The following RNASET2 variants were observed in gnomAD, a reference collection of about 807,000 sequenced individuals.
RNASET2 encodes the protein ribonuclease T2, also known as ribonuclease 6.
In RNASET2, 28 loss-of-function variants were observed where a neutral mutation model predicts 33.9. The observed-to-expected ratio is 0.83, with a 90% confidence interval of 0.61 to 1.13. RNASET2 has a LOEUF of 1.13. Among genes scored for constraint, RNASET2 ranks in the 50% most tolerant of loss-of-function variants. The probability of loss-of-function intolerance (pLI) is 0.00; values close to 1 mark genes in which losing one functional copy is unlikely to be tolerated. For missense variants in RNASET2, 330 were observed against 319.9 expected (o/e 1.03, Z -0.24); for synonymous variants, 123 against 121.0 (o/e 1.02, Z -0.11).
intron 6 of RNASET2, among the ~76,000 whole-genome samples, chr6:166,937,991 C>T (rs1348615167): frequency 6.6e-6 from 1 of 152,200 alleles, no homozygotes; most frequent in East Asian, 1.9e-4. Flanking sequence ...GGAGGCAAAG[C>T]ACATGTCTAG....
intron 3 of RNASET2, 165 bp from the exon 4 acceptor site, chr6:166,946,904 AG>A (rs1326588485): frequency 2.9e-6 from 2 of 679,284 alleles, no homozygotes; most frequent in Admixed American, 4.4e-5. Flanking sequence ...AAGAAGATGC[AG>A]GTAAGAGGAG....
intron 7 of RNASET2, chr6:166,932,645 G>C (rs62436419): frequency 0.23 from 34,807 of 152,208 alleles, 4,422 homozygotes; most frequent in Middle Eastern, 0.34. Context: ...AATTTCTCCT[G>C]ATGATAAATC....
intron 2 of RNASET2, among the ~76,000 whole-genome samples, chr6:166,950,682 C>A (rs1002205393): frequency 2.6e-5 from 4 of 152,214 alleles, no homozygotes; most frequent in African/African-American, 9.6e-5. Flanking sequence ...GCTCTGGGTG[C>A]TCCAATGAGA....
At chr6:166,943,160 T>C in intron 4 of RNASET2, 71 bp from the exon 5 acceptor site, 3 of 1,085,456 alleles carry the variant, frequency 2.8e-6, no homozygotes, top group South Asian at 2.7e-5. Context: ...AAGGTAAATT[T>C]GATAAACTGA....
intron 7 of RNASET2, chr6:166,931,596 C>T (rs932397775): frequency 4.8e-5 from 9 of 186,656 alleles, no homozygotes; most frequent in African/African-American, 1.7e-4. Flanking sequence ...CCTCAGCTAC[C>T]GGTCCCGAAA....
rs35517174 is a variant in RNASET2 at position 166,929,711 on chromosome 6, C to G, written c.648G>C (p.Pro216=). 4.1e-4 allele frequency: 657 copies of G among 1,614,064 alleles called. 1 individual carries two copies. The highest frequency in any genetic ancestry group is 5.2e-4 in the Non-Finnish European group (613 of 1,180,034). ...QDQQLQNCTE[P]GEQPSPKQEV... ...CCTGCTTGGGGGACGGCTGCTCCCC[C>G]GGCTCGGTGCAGTTTTGCAGCTGCT... The change falls in exon 9 of 9, where the codon CCG becomes CCC. Residue 216 remains proline, a synonymous_variant. Transcript: ENST00000508775.
chr6:166,930,839 G>C (rs926332493), intron 8 of RNASET2, among the ~76,000 whole-genome samples: 2 of 143,582 alleles, frequency 1.4e-5, no homozygotes, highest in African/African-American at 5.2e-5. Flanking sequence ...ATGCCCACAT[G>C]CATGTACACA....
Position 166,924,299 on chromosome 6 carries a change from C to T in RNASET2, c.*5289G>A, listed in dbSNP as rs1778272939. On this transcript the variant is annotated 3_prime_UTR_variant, in exon 9 of 9. Transcript: ENST00000508775. Reference sequence around the variant, plus strand: ...TATTTTTAGTAGAGATGGAGTTTCACCATACTGTCCAGGCTGGTCTCGAAC... The same window carrying T: ...TATTTTTAGTAGAGATGGAGTTTCATCATACTGTCCAGGCTGGTCTCGAAC... Among the ~76,000 whole-genome samples the T allele has an allele frequency of 6.6e-6, 1 of 152,032 alleles. No homozygotes were observed. Among genetic ancestry groups the T allele is most frequent in the Non-Finnish European group, 1.5e-5 (1 of 67,984 alleles).
chr6:166,923,706 C>G lies in RNASET2; in HGVS notation c.*5882G>C, dbSNP rs1290444145. On this transcript the variant is annotated 3_prime_UTR_variant, in exon 9 of 9. Transcript: ENST00000508775. ...AGATTTTGCTTCAGATAAGAAAACC[C>G]TCACTACTGCCCCTTCTATGGGAAA... is the stretch of plus-strand genomic sequence containing the variant. Among the ~76,000 whole-genome samples the G allele has an allele frequency of 6.6e-6, 1 of 152,162 alleles. No individual in the cohort carries two copies. Among genetic ancestry groups the G allele is most frequent in the Non-Finnish European group, 1.5e-5 (1 of 68,016 alleles).
At position 166,955,317 on chromosome 6, in the gene RNASET2, GCACACACA is replaced by G. The variant is rs1241137068; in HGVS notation, c.86+772_86+779del. ...ACAGACGCGCACACACGACACACAC[GCACACACA>G]CGCACGCACGCACACGCACACGCAC... is the stretch of plus-strand genomic sequence containing the variant. On this transcript the variant is annotated intron_variant, in intron 1 of 8. Coordinates refer to ENST00000508775, the MANE Select transcript of RNASET2 (RefSeq NM_003730.6). Among the ~76,000 whole-genome samples the G allele has an allele frequency of 2.6e-4, 12 of 46,638 alleles. 1 individual carries two copies. Among genetic ancestry groups the G allele is most frequent in the Non-Finnish European group, 3.6e-5 (1 of 27,634 alleles). 30.6% of individuals were successfully genotyped at this position (46,638 alleles called of 152,430 possible).
At chr6:166,935,163 G>A (rs1190803384) in intron 6 of RNASET2, 2 of 151,954 alleles carry the variant, frequency 1.3e-5, no homozygotes, top group Admixed American at 1.3e-4. Context: ...ACAGGACCTC[G>A]CCTACCCTAG....
At chr6:166,952,304 C>T (rs1349475446) in intron 2 of RNASET2, among the ~76,000 whole-genome samples, 184 bp downstream of exon 2, 2 of 152,230 alleles carry the variant, frequency 1.3e-5, no homozygotes, top group African/African-American at 4.8e-5. Context: ...TTTGTTACAG[C>T]AGCCCTGGGA....
In RNASET2 at chr6:166,952,480, A is replaced by G. The variant is rs764012642; in HGVS notation, c.147+8T>C. ...GGCCCCAGGGCCCGTCAAGGCAGAA[A>G]CACTCACCTCGCATACTGTCTCAGG... On this transcript the variant is annotated splice_region_variant and intron_variant, in intron 2 of 8. Transcript: ENST00000508775. The G allele has an allele frequency of 1.2e-5, 20 of 1,613,626 alleles. No homozygotes were observed. The highest frequency in any genetic ancestry group is 1.5e-5 in the Non-Finnish European group (18 of 1,179,472).
At chr6:166,935,280 A>G (rs1276231612) in intron 6 of RNASET2, among the ~76,000 whole-genome samples, 1 of 152,076 alleles carries the variant, frequency 6.6e-6, no homozygotes, top group Non-Finnish European at 1.5e-5. Flanking sequence ...CGATGATCCT[A>G]TTTTTGATAT....
intron 1 of RNASET2, among the ~76,000 whole-genome samples, chr6:166,955,253 A>G (rs1384666608): frequency 0.045 from 3,923 of 87,882 alleles, 122 homozygotes; most frequent in East Asian, 0.072. Flanking sequence ...ACACACGCAC[A>G]CACGCACACA....
intron 7 of RNASET2, chr6:166,931,518 A>C (rs1015533212): frequency 3.8e-6 from 1 of 261,144 alleles, no homozygotes; most frequent in Non-Finnish European, 7.5e-6. Flanking sequence ...ACTCTGAAGT[A>C]TCTCTCTCTC....
Position 166,931,132 on chromosome 6 carries a change from C to T in RNASET2, c.493-14G>A, listed in dbSNP as rs368698284. The T allele has an allele frequency of 1.0e-5, 16 of 1,549,052 alleles. No homozygotes were observed. The African/African-American group carries it at 2.1e-4, about 20-fold the overall frequency. Reference sequence around the variant, plus strand: ...AAAATCTGCAACCTGATTTTAAATACAAGTGTATTAGAAATTAAACTTCAA... The same window carrying T: ...AAAATCTGCAACCTGATTTTAAATATAAGTGTATTAGAAATTAAACTTCAA... On this transcript the variant is annotated splice_polypyrimidine_tract_variant and intron_variant, in intron 7 of 8. Transcript: ENST00000508775.
chr6:166,931,411 G>C, intron 7 of RNASET2: 1 of 475,484 alleles, frequency 2.1e-6, no homozygotes, highest in South Asian at 2.2e-5. Flanking sequence ...TCTGGGCCCC[G>C]AGCTGTCTCA....
rs916241684 is a variant in RNASET2, at chr6:166,925,775, T to C, written c.*3813A>G. Among the ~76,000 whole-genome samples the C allele has an allele frequency of 6.6e-6, 1 of 152,172 alleles. No individual in the cohort carries two copies. Among genetic ancestry groups the C allele is most frequent in the Non-Finnish European group, 1.5e-5 (1 of 68,024 alleles). On this transcript the variant is annotated 3_prime_UTR_variant, in exon 9 of 9. Transcript: ENST00000508775. ...CATGGAACTGGGTGTTGATATCCCA[T>C]GGAACTTGCTAAACTAGGTGAGCAG...
Sources: gnomAD v4.1 joint callset for allele counts (sites outside exome capture counted in the v4.1 genomes callset) on GRCh38, gnomAD v4.1.1 for gene constraint, MANE v1.5 for transcripts, NCBI Gene and HGNC (gene_info 2026-07-23, HGNC 2026-07-21) for gene names.